Variants in MGAT4C observed in about 807,000 individuals in gnomAD.
MGAT4C encodes the protein MGAT4 family member C.
A neutral mutation model predicts 40.1 loss-of-function variants in MGAT4C; 19 were observed. The ratio of observed to expected loss-of-function variants is 0.47; its 90% CI spans 0.33 to 0.70. MGAT4C has a LOEUF of 0.70. Ranked by LOEUF, MGAT4C falls within the 30% of genes least tolerant of loss-of-function variation. The pLI, the probability that MGAT4C is intolerant of heterozygous loss-of-function variation, is 0.02. For missense variants in MGAT4C, 491 were observed against 563.2 expected, an observed-to-expected ratio of 0.87 and a Z score of 1.30; for synonymous variants, 181 against 187.1, an observed-to-expected ratio of 0.97 and a Z score of 0.27.
intron 2 of MGAT4C, among the ~76,000 whole-genome samples, chr12:86,497,644 T>A (rs1159038570): frequency 6.6e-6 from 1 of 151,658 alleles, no homozygotes; most frequent in East Asian, 1.9e-4. Flanking sequence ...TAATACCAGA[T>A]AACTTTATGG....
At chr12:86,419,819 A>G (rs546377726) in intron 3 of MGAT4C, among the ~76,000 whole-genome samples, 1 of 152,276 alleles carries the variant, frequency 6.6e-6, no homozygotes, top group African/African-American at 2.4e-5. Flanking sequence ...AAGGAAGGCT[A>G]ATATTGACCC....
chr12:86,811,164 T>A (rs2136215874), intron 1 of MGAT4C, among the ~76,000 whole-genome samples: 2 of 151,416 alleles, frequency 1.3e-5, no homozygotes, highest in East Asian at 3.9e-4. Context: ...CTGTTGTGAT[T>A]CTCTAGTGAA....
chr12:86,770,941 A>T (rs895402165), intron 1 of MGAT4C, among the ~76,000 whole-genome samples: 1 of 152,148 alleles, frequency 6.6e-6, no homozygotes, highest in Non-Finnish European at 1.5e-5. Context: ...TGTTGAGTTC[A>T]TAACTGTCAA....
chr12:86,019,284 T>C (rs571689822), intron 2 of MGAT4C, among the ~76,000 whole-genome samples: 1 of 152,272 alleles, frequency 6.6e-6, no homozygotes, highest in Non-Finnish European at 1.5e-5. Flanking sequence ...AATATATTCG[T>C]GATTATTCTT....
At chr12:86,235,760 G>C (rs1266119021) in intron 1 of MGAT4C, among the ~76,000 whole-genome samples, 2 of 151,966 alleles carry the variant, frequency 1.3e-5, no homozygotes, top group Non-Finnish European at 2.9e-5. Context: ...ATAATACCTA[G>C]CTCCTGAGTA....
At chr12:86,274,059 T>A (rs535690236) in intron 4 of MGAT4C, among the ~76,000 whole-genome samples, 66 of 152,236 alleles carry the variant, frequency 4.3e-4, no homozygotes, top group Admixed American at 2.8e-3. Flanking sequence ...TGGCAGATAA[T>A]TTGTAAGCTC....
At chr12:86,567,234 A>C (rs1425196823) in intron 2 of MGAT4C, among the ~76,000 whole-genome samples, 1 of 152,120 alleles carries the variant, frequency 6.6e-6, no homozygotes, top group East Asian at 1.9e-4. Context: ...CTGGTGACTC[A>C]GTAGCAATTT....
At chr12:86,644,290 G>T (rs1183529733) in intron 2 of MGAT4C, among the ~76,000 whole-genome samples, 1 of 151,550 alleles carries the variant, frequency 6.6e-6, no homozygotes, top group Non-Finnish European at 1.5e-5. Flanking sequence ...ACTCGAACAG[G>T]AATTCTCAAA....
chr12:86,485,466 A>G (rs558317701), intron 2 of MGAT4C, among the ~76,000 whole-genome samples: 112 of 150,980 alleles, frequency 7.4e-4, no homozygotes, highest in Non-Finnish European at 1.3e-3. Flanking sequence ...AGCAGAATAG[A>G]CCAAAAATTA....
chr12:86,605,147 T>A (rs1039188740), intron 2 of MGAT4C, among the ~76,000 whole-genome samples: 1 of 152,154 alleles, frequency 6.6e-6, no homozygotes, highest in African/African-American at 2.4e-5. Context: ...TCATTATAAC[T>A]GACCACATAA....
At chr12:86,064,272 C>T (rs11117177) in intron 1 of MGAT4C, among the ~76,000 whole-genome samples, 20 of 151,954 alleles carry the variant, frequency 1.3e-4, no homozygotes, top group Non-Finnish European at 2.2e-4. Context: ...CCCAGCTACT[C>T]GGGAGCCTGA....
intron 3 of MGAT4C, among the ~76,000 whole-genome samples, chr12:86,350,345 T>A (rs892166907): frequency 7.9e-5 from 12 of 152,188 alleles, no homozygotes; most frequent in African/African-American, 2.9e-4. Flanking sequence ...CTATTAGATT[T>A]GGTCACAACT....
chr12:86,484,373 C>G (rs1008785935), intron 2 of MGAT4C, among the ~76,000 whole-genome samples: 1 of 152,208 alleles, frequency 6.6e-6, no homozygotes, highest in South Asian at 2.1e-4. Context: ...TCTGCATGTT[C>G]CCCTGCCTGC....
chr12:86,702,274 C>T (rs1251386057), intron 2 of MGAT4C, among the ~76,000 whole-genome samples: 6 of 151,196 alleles, frequency 4.0e-5, no homozygotes, highest in East Asian at 3.9e-4. Flanking sequence ...TGAATTTCTG[C>T]GCTCAAGCAG....
chr12:86,732,371 A>G (rs1475371207), intron 1 of MGAT4C, among the ~76,000 whole-genome samples: 1 of 152,114 alleles, frequency 6.6e-6, no homozygotes, highest in Non-Finnish European at 1.5e-5. Context: ...CATTACATTT[A>G]TTGCACACTT....
intron 1 of MGAT4C, among the ~76,000 whole-genome samples, chr12:86,782,570 G>GT (rs1338631273): frequency 1.3e-5 from 2 of 152,050 alleles, no homozygotes; most frequent in African/African-American, 2.4e-5. Context: ...GTGTAAATGA[G>GT]TTTTTTAAAA....
intron 1 of MGAT4C, among the ~76,000 whole-genome samples, chr12:86,111,405 A>G (rs1877379145): frequency 6.6e-6 from 1 of 151,870 alleles, no homozygotes; most frequent in Non-Finnish European, 1.5e-5. Context: ...ACATGTATAC[A>G]TAATACAAGA....
intron 2 of MGAT4C, among the ~76,000 whole-genome samples, chr12:86,466,827 C>T (rs1264952734): frequency 6.6e-6 from 1 of 152,044 alleles, no homozygotes; most frequent in Non-Finnish European, 1.5e-5. Context: ...TTTAATTTTG[C>T]TGTTAATCTA....
At chr12:86,674,435 C>T (rs1402362728) in intron 2 of MGAT4C, among the ~76,000 whole-genome samples, 5 of 152,088 alleles carry the variant, frequency 3.3e-5, no homozygotes, top group Non-Finnish European at 7.3e-5. Context: ...TCATATCACG[C>T]CTGTAATCCC....
Sources: gnomAD v4.1 joint callset for allele counts (sites outside exome capture counted in the v4.1 genomes callset) on GRCh38, gnomAD v4.1.1 for gene constraint, MANE v1.5 for transcripts, NCBI Gene and HGNC (gene_info 2026-07-23, HGNC 2026-07-21) for gene names.